MYH10: variants seen among roughly 807,000 people sequenced by gnomAD.
MYH10 encodes the protein myosin heavy chain 10.
In MYH10, 55 loss-of-function variants were observed where a neutral mutation model predicts 257.8. The observed-to-expected ratio is 0.21, with a 90% confidence interval of 0.17 to 0.27. MYH10 has a LOEUF of 0.27. MYH10 is among the 10% of genes least tolerant of loss of function. The probability of loss-of-function intolerance (pLI) is 1.00; values close to 1 mark genes in which losing one functional copy is unlikely to be tolerated. For synonymous variants in MYH10, 854 were observed against 921.7 expected (o/e 0.93, Z 1.33); for missense variants, 1,631 against 2,500.6 (o/e 0.65, Z 7.42).
chr17:8,605,919 T>C (rs934520239), intron 2 of MYH10, among the ~76,000 whole-genome samples: 1 of 152,184 alleles, frequency 6.6e-6, no homozygotes, highest in African/African-American at 2.4e-5. Flanking sequence ...CTAAAGAGAT[T>C]TGTAAAAATG....
rs2082678395 is a variant in MYH10 at position 8,552,745 on chromosome 17, T to G, written c.821-601A>C. Among the ~76,000 whole-genome samples the G allele has an allele frequency of 6.6e-6, 1 of 152,188 alleles. No homozygotes were observed. The highest frequency in any genetic ancestry group is 1.5e-5 in the Non-Finnish European group (1 of 68,024). ...AGCACATGTAACTTTCCCATATGCCTTGACAGCTACGATGAGATTAAGCAC... is the reference window on the plus strand; with the variant it reads ...AGCACATGTAACTTTCCCATATGCCGTGACAGCTACGATGAGATTAAGCAC... On this transcript the variant is annotated intron_variant, in intron 8 of 42. Transcript: ENST00000360416. The surrounding 1 kb of genome is among the most constrained non-coding windows in gnomAD (Gnocchi z 4.8).
intron 2 of MYH10, among the ~76,000 whole-genome samples, chr17:8,617,014 G>T (rs1567987116): frequency 6.6e-6 from 1 of 151,850 alleles, no homozygotes; most frequent in Non-Finnish European, 1.5e-5. Flanking sequence ...GTGGAGAAAG[G>T]ATTATGTTTT....
At chr17:8,518,364 G>A (rs2081542445) in intron 21 of MYH10, among the ~76,000 whole-genome samples, 1 of 152,146 alleles carries the variant, frequency 6.6e-6, no homozygotes, top group East Asian at 1.9e-4. Context: ...GAACTCCTGA[G>A]CTCAAGTGAT....
At position 8,494,632 on chromosome 17, in the gene MYH10, A is replaced by G. The variant is rs117129793; in HGVS notation, c.4056+505T>C. Among the ~76,000 whole-genome samples, 316 of 152,304 alleles carry G rather than the reference A, an allele frequency of 2.1e-3. 1 individual carries two copies. The highest frequency in any genetic ancestry group is 2.7e-3 in the Non-Finnish European group (184 of 68,024). ...TAAATTTAACAAAACTAAGCTGTAA[A>G]ACTCCAAGAATAAAGTGCTACATTA... is the stretch of plus-strand genomic sequence containing the variant. On this transcript the variant is annotated intron_variant, in intron 31 of 42. Coordinates refer to ENST00000360416, the MANE Select transcript of MYH10 (RefSeq NM_001256012.3).
intron 23 of MYH10, 98 bp downstream of exon 23, chr17:8,513,440 G>A (rs1012619593): frequency 9.9e-6 from 15 of 1,520,374 alleles, no homozygotes; most frequent in Non-Finnish European, 1.2e-5. Context: ...GATATGGTGG[G>A]TACAGCTATT....
At chr17:8,573,874 G>A in intron 6 of MYH10, 5 of 957,194 alleles carry the variant, frequency 5.2e-6, no homozygotes, top group Non-Finnish European at 6.2e-6. Context: ...CGCTCACTAG[G>A]ATGGCTTTAA....
chr17:8,546,830 T>TCC (rs2082460554), intron 11 of MYH10, among the ~76,000 whole-genome samples, 168 bp from the exon 12 acceptor site: 2 of 152,166 alleles, frequency 1.3e-5, no homozygotes, highest in Admixed American at 1.3e-4. Context: ...ACCTTCCATC[T>TCC]TTTCAAATTA....
Position 8,567,554 on chromosome 17 carries a change from G to A in MYH10, c.756+2166C>T, listed in dbSNP as rs577696635. ...TGATGGAACTGTAATTAGGAAGAGG[G>A]TCTTTAAAGAAGTCATTACATTAAA... On this transcript the variant is annotated intron_variant, in intron 7 of 42. Transcript: ENST00000360416. Among the ~76,000 whole-genome samples, 5 of 152,222 alleles carry A rather than the reference G, an allele frequency of 3.3e-5. No individual in the cohort carries two copies. The South Asian group carries it at 1.0e-3, about 32-fold the overall frequency.
At chr17:8,486,679 T>C (rs939928206) in intron 36 of MYH10, among the ~76,000 whole-genome samples, 8 of 151,960 alleles carry the variant, frequency 5.3e-5, no homozygotes, top group African/African-American at 1.9e-4. Flanking sequence ...TATGTGAAAA[T>C]GTATACACAC....
chr17:8,594,605 T>TA (rs1853564242), intron 3 of MYH10, among the ~76,000 whole-genome samples: 1 of 152,124 alleles, frequency 6.6e-6, no homozygotes, highest in African/African-American at 2.4e-5. Context: ...AATGAAAACT[T>TA]ATGCTCACAC....
rs1597625188 is a variant in MYH10 at position 8,490,304 on chromosome 17, C to T, written c.4884+36G>A. ...CCCAGAGCTGGGCTTTGAGAGCCTG[C>T]ACCCCTTGTTGTGGAGGCCGCACCC... On this transcript the variant is annotated intron_variant, in intron 35 of 42. Coordinates refer to ENST00000360416, the MANE Select transcript of MYH10 (RefSeq NM_001256012.3). This position sits in a 1 kb window ranked among gnomAD's most constrained non-coding sequence, Gnocchi z 4.1. 2.5e-6 allele frequency: 4 copies of T among 1,597,398 alleles called. No homozygotes were observed. Among genetic ancestry groups the T allele is most frequent in the South Asian group, 1.1e-5 (1 of 90,772 alleles).
chr17:8,481,807 A>G (rs1187707523), intron 37 of MYH10, among the ~76,000 whole-genome samples: 1 of 152,214 alleles, frequency 6.6e-6, no homozygotes, highest in East Asian at 1.9e-4. Context: ...TCTTTCACAT[A>G]AACAGTTTGA....
chr17:8,486,069 T>C (rs1914715422), intron 36 of MYH10, among the ~76,000 whole-genome samples: 1 of 152,162 alleles, frequency 6.6e-6, no homozygotes, highest in Non-Finnish European at 1.5e-5. Flanking sequence ...GGAAAACCAG[T>C]CACAAAAGGC....
rs191316154 is a variant in MYH10, at chr17:8,591,605, C to T, written c.503-2497G>A. Reference sequence around the variant, plus strand: ...TATGGTTTTTCGAAAGTAGTTTACACATTAAAGAAATCAAAGCACACAAAA... The same window carrying T: ...TATGGTTTTTCGAAAGTAGTTTACATATTAAAGAAATCAAAGCACACAAAA... On this transcript the variant is annotated intron_variant, in intron 3 of 42. Transcript: ENST00000360416. Among the ~76,000 whole-genome samples, 290 of 152,276 alleles carry T rather than the reference C, an allele frequency of 1.9e-3. 2 individuals carry two copies. Among genetic ancestry groups the T allele is most frequent in the Admixed American group, 4.5e-3 (69 of 15,292 alleles).
intron 7 of MYH10, chr17:8,560,826 T>A: frequency 1.7e-6 from 1 of 580,118 alleles, no homozygotes. Flanking sequence ...TGGCCAAGAC[T>A]GAGTGGCTGG....
chr17:8,476,847 T>A, intron 42 of MYH10, 29 bp downstream of exon 42: 1 of 1,588,916 alleles, frequency 6.3e-7, no homozygotes, highest in Non-Finnish European at 8.6e-7. Context: ...AGCAGCTGCC[T>A]GTCAGCTCGG....
intron 4 of MYH10, among the ~76,000 whole-genome samples, chr17:8,580,890 A>C (rs889775210): frequency 6.6e-6 from 1 of 152,192 alleles, no homozygotes; most frequent in Non-Finnish European, 1.5e-5. Context: ...TAAGGATATA[A>C]GGAATGCTGC....
chr17:8,575,763 G>T (rs974047073), intron 6 of MYH10, among the ~76,000 whole-genome samples: 1 of 152,236 alleles, frequency 6.6e-6, no homozygotes, highest in Non-Finnish European at 1.5e-5. Context: ...CCATGCTAGG[G>T]AAAGGATTAA....
chr17:8,587,885 T>C (rs976299514), intron 4 of MYH10, among the ~76,000 whole-genome samples: 4 of 152,176 alleles, frequency 2.6e-5, no homozygotes, highest in Non-Finnish European at 4.4e-5. Flanking sequence ...CTCCCCTTCA[T>C]GCCTCAACTG....
Sources: allele counts gnomAD v4.1 joint callset (sites outside exome capture counted in the v4.1 genomes callset), GRCh38; gene constraint gnomAD v4.1.1; non-coding constraint Gnocchi (gnomAD v3.1); transcripts MANE v1.5; gene names NCBI Gene and HGNC (gene_info 2026-07-23, HGNC 2026-07-21).